Variants in PCSK6 observed in about 807,000 individuals in gnomAD.
The protein encoded by PCSK6 is paired basic amino acid cleaving enzyme 4.
A neutral mutation model predicts 123.3 loss-of-function variants in PCSK6; 85 were observed. The observed-to-expected ratio is 0.69, with a 90% CI of 0.58 to 0.83. The LOEUF is 0.83. Ranked by LOEUF, PCSK6 falls within the 40% of genes least tolerant of loss-of-function variation. The pLI is 0.00. For missense variants in PCSK6, 1,191 were observed against 1,282.3 expected, an observed-to-expected ratio of 0.93 and a Z score of 1.09; for synonymous variants, 508 against 516.0, an observed-to-expected ratio of 0.98 and a Z score of 0.21.
At chr15:101,403,209 G>A (rs1475747841) in intron 6 of PCSK6, among the ~76,000 whole-genome samples, 34 of 144,536 alleles carry the variant, frequency 2.4e-4, no homozygotes, top group Non-Finnish European at 4.6e-4. Context: ...CTCATAGGTG[G>A]GAATTGAACA....
intron 6 of PCSK6, among the ~76,000 whole-genome samples, chr15:101,410,362 G>C (rs1260504811): frequency 6.6e-6 from 1 of 152,204 alleles, no homozygotes; most frequent in Non-Finnish European, 1.5e-5. Flanking sequence ...ATGCCACCCT[G>C]AAGCAGAAGG....
intron 15 of PCSK6, among the ~76,000 whole-genome samples, chr15:101,329,671 G>A (rs942832578): frequency 3.7e-4 from 57 of 152,210 alleles, no homozygotes; most frequent in Admixed American, 2.1e-3. Flanking sequence ...TCTTCCAGAC[G>A]ATGCCACGTG....
rs544629408 is a variant in PCSK6, at chr15:101,398,617, C to T, written c.824-41G>A. On this transcript the variant is annotated intron_variant, in intron 6 of 21. Coordinates refer to ENST00000611716, the MANE Select transcript of PCSK6 (RefSeq NM_002570.5). This position sits in a 1 kb window ranked among gnomAD's most constrained non-coding sequence, Gnocchi z 4.6. ...AGGCTCGGTGTCGGCGCCCAGGCTCCGGGCACACAGCGACGGGAACCCGGG... is the reference window on the plus strand; with the variant it reads ...AGGCTCGGTGTCGGCGCCCAGGCTCTGGGCACACAGCGACGGGAACCCGGG... The T allele has an allele frequency of 1.6e-5, 26 of 1,585,584 alleles. No homozygotes were observed. Among genetic ancestry groups the T allele is most frequent in the African/African-American group, 1.5e-4 (11 of 74,580 alleles).
chr15:101,379,794 T>C (rs1216182719), intron 11 of PCSK6, among the ~76,000 whole-genome samples: 2 of 152,190 alleles, frequency 1.3e-5, no homozygotes, highest in East Asian at 1.9e-4. Context: ...AAAACTCGCA[T>C]AGCTGTGGGG....
chr15:101,351,891 G>C (rs2040898929), intron 13 of PCSK6, among the ~76,000 whole-genome samples: 1 of 152,108 alleles, frequency 6.6e-6, no homozygotes, highest in Non-Finnish European at 1.5e-5. Context: ...ACTAAGGCCA[G>C]GACCTACCGC....
chr15:101,392,089 C>G (rs536473067), intron 8 of PCSK6, among the ~76,000 whole-genome samples: 1 of 152,224 alleles, frequency 6.6e-6, no homozygotes, highest in South Asian at 2.1e-4. Context: ...TGTCCCATAA[C>G]TTAGCAAATT....
At chr15:101,365,876 G>A (rs1388209966) in intron 13 of PCSK6, 1 of 204,508 alleles carries the variant, frequency 4.9e-6, no homozygotes, top group Non-Finnish European at 9.7e-6. Context: ...GAAATGGTAA[G>A]TGGATTAGAG....
At chr15:101,361,996 A>G (rs1157880703) in intron 13 of PCSK6, among the ~76,000 whole-genome samples, 15 of 128,286 alleles carry the variant, frequency 1.2e-4, no homozygotes, top group Non-Finnish European at 2.0e-4. Flanking sequence ...TTGCTCTATC[A>G]TCCAGGCTGG....
At chr15:101,362,971 G>A (rs1036115000) in intron 13 of PCSK6, among the ~76,000 whole-genome samples, 1 of 152,176 alleles carries the variant, frequency 6.6e-6, no homozygotes, top group Non-Finnish European at 1.5e-5. Flanking sequence ...GGGGGACCCT[G>A]ACGAGCCCCG....
At chr15:101,408,085 A>C (rs945438722) in intron 6 of PCSK6, among the ~76,000 whole-genome samples, 7 of 152,220 alleles carry the variant, frequency 4.6e-5, no homozygotes, top group Non-Finnish European at 1.0e-4. Context: ...GAGAGCCGGC[A>C]GCTTGGGATG....
intron 1 of PCSK6, among the ~76,000 whole-genome samples, chr15:101,481,402 T>C (rs1015917612): frequency 2.6e-5 from 4 of 151,822 alleles, no homozygotes; most frequent in Non-Finnish European, 4.4e-5. Context: ...GTGGGAAGGC[T>C]GAGGGGCGAA....
intron 11 of PCSK6, among the ~76,000 whole-genome samples, chr15:101,372,131 T>G (rs2041604110): frequency 6.6e-6 from 1 of 152,170 alleles, no homozygotes; most frequent in Admixed American, 6.5e-5. Flanking sequence ...CATGCCTCTT[T>G]GAACTCAGCC....
At chr15:101,347,811 G>A (rs752274872) in intron 13 of PCSK6, 3 of 1,572,600 alleles carry the variant, frequency 1.9e-6, no homozygotes, top group Admixed American at 3.3e-5. Flanking sequence ...AAGCCCATGG[G>A]CTGAAGCTTT....
At chr15:101,434,583 C>T (rs1016675877) in intron 2 of PCSK6, among the ~76,000 whole-genome samples, 4 of 152,234 alleles carry the variant, frequency 2.6e-5, no homozygotes, top group African/African-American at 4.8e-5. Context: ...TGATAGCCTG[C>T]GGCCCGCAGC....
chr15:101,464,412 G>A (rs1242862411), intron 1 of PCSK6, among the ~76,000 whole-genome samples: 2 of 152,124 alleles, frequency 1.3e-5, no homozygotes, highest in African/African-American at 2.4e-5. Flanking sequence ...CTTGAACATC[G>A]AGGGGTGTGT....
intron 2 of PCSK6, among the ~76,000 whole-genome samples, chr15:101,437,251 C>T (rs908824805): frequency 2.6e-5 from 4 of 152,166 alleles, no homozygotes; most frequent in Non-Finnish European, 4.4e-5. Flanking sequence ...AGAGGGCCAT[C>T]GTGACAAGTG....
At chr15:101,397,711 G>C (rs1026539049) in intron 7 of PCSK6, among the ~76,000 whole-genome samples, 1 of 152,204 alleles carries the variant, frequency 6.6e-6, no homozygotes, top group Non-Finnish European at 1.5e-5. Flanking sequence ...CACCCTGTTT[G>C]TAAGAACTGG....
At position 101,372,298 on chromosome 15, in the gene PCSK6, G is replaced by A. The variant is rs115561399; in HGVS notation, c.1533-1775C>T. 4.4e-3 allele frequency among the ~76,000 whole-genome samples: 666 copies of A among 152,266 alleles called. 4 individuals carry two copies. The highest frequency in any genetic ancestry group is 0.015 in the African/African-American group (633 of 41,556). On this transcript the variant is annotated intron_variant, in intron 11 of 21. Transcript: ENST00000611716. ...CCCATTATGCCTGGACTCTCCTCCCGGGAGGCATGAGGCGTTCTGCTCAGA... is the reference window on the plus strand; with the variant it reads ...CCCATTATGCCTGGACTCTCCTCCCAGGAGGCATGAGGCGTTCTGCTCAGA...
chr15:101,488,774 G>A (rs1349476655), intron 1 of PCSK6, among the ~76,000 whole-genome samples: 1 of 151,280 alleles, frequency 6.6e-6, no homozygotes, highest in African/African-American at 2.4e-5. Flanking sequence ...GACGGCGGCC[G>A]GGCTCCAGGG....
Sources: allele counts gnomAD v4.1 joint callset (sites outside exome capture counted in the v4.1 genomes callset), GRCh38; gene constraint gnomAD v4.1.1; non-coding constraint Gnocchi (gnomAD v3.1); transcripts MANE v1.5; gene names NCBI Gene and HGNC (gene_info 2026-07-23, HGNC 2026-07-21).